The following NOS1AP variants were observed in gnomAD, a reference collection of about 807,000 sequenced individuals.
NOS1AP encodes the protein carboxyl-terminal PDZ ligand of neuronal nitric oxide synthase protein.
NOS1AP carries 21 observed loss-of-function variants against 56.2 expected under a neutral mutation model. The ratio of observed to expected loss-of-function variants is 0.37; its 90% CI spans 0.26 to 0.54. The LOEUF is 0.54. Among genes scored for constraint, NOS1AP ranks in the 20% least tolerant of loss-of-function variants. The pLI, the probability that NOS1AP is intolerant of heterozygous loss-of-function variation, is 0.84. For missense variants in NOS1AP, 522 were observed against 657.8 expected (o/e 0.79, Z 2.26); for synonymous variants, 270 against 274.6 (o/e 0.98, Z 0.17).
At chr1:162,338,339 A>T (rs112915794) in intron 5 of NOS1AP, among the ~76,000 whole-genome samples, 1 of 152,060 alleles carries the variant, frequency 6.6e-6, no homozygotes, top group Non-Finnish European at 1.5e-5. Context: ...TGCCCCCATT[A>T]TTCTCTTTTC....
chr1:162,190,240 A>G (rs1213647719), intron 2 of NOS1AP, among the ~76,000 whole-genome samples: 4 of 152,176 alleles, frequency 2.6e-5, no homozygotes, highest in African/African-American at 9.7e-5. Flanking sequence ...AGCCCTTCAG[A>G]TACTTGGCTC....
Position 162,367,590 on chromosome 1 carries a change from G to A in NOS1AP, c.*123G>A. On this transcript the variant is annotated 3_prime_UTR_variant, in exon 10 of 10. Transcript: ENST00000361897. This position sits in a 1 kb window ranked among gnomAD's most constrained non-coding sequence, Gnocchi z 6.5. ...GGAGAATGCCAGCCAGGGCCCGGGA[G>A]AGTGTGAGGTTTCAGGAAAGTATTG... The A allele has an allele frequency of 9.1e-7, 1 of 1,097,932 alleles. No homozygotes were observed. Among genetic ancestry groups the A allele is most frequent in the Non-Finnish European group, 1.3e-6 (1 of 786,704 alleles). 68.0% of individuals were successfully genotyped at this position (1,097,932 alleles called of 1,614,324 possible). A position where few individuals can be genotyped will look rare whatever the true frequency, so the allele number is the denominator to read the frequency against.
At chr1:162,175,614 G>T (rs1234824846) in intron 2 of NOS1AP, among the ~76,000 whole-genome samples, 2 of 152,142 alleles carry the variant, frequency 1.3e-5, no homozygotes. Flanking sequence ...AGGATCGGAG[G>T]TGTGGGGGTG....
At chr1:162,198,453 A>G (rs1447399099) in intron 2 of NOS1AP, among the ~76,000 whole-genome samples, 2 of 152,200 alleles carry the variant, frequency 1.3e-5, no homozygotes, top group Non-Finnish European at 2.9e-5. Flanking sequence ...TGTGAATCCC[A>G]TTCTGACATT....
At chr1:162,355,468 C>T (rs184083851) in intron 7 of NOS1AP, 115 bp downstream of exon 7, 120 of 1,326,452 alleles carry the variant, frequency 9.0e-5, no homozygotes, top group Admixed American at 5.0e-4. Flanking sequence ...GGCACAGTGG[C>T]GGTGCCAGAG....
At chr1:162,210,554 A>G (rs1652317160) in intron 2 of NOS1AP, among the ~76,000 whole-genome samples, 2 of 152,112 alleles carry the variant, frequency 1.3e-5, no homozygotes, top group Admixed American at 1.3e-4. Flanking sequence ...CTTTCTGTGA[A>G]GTCCTTGCTT....
intron 2 of NOS1AP, among the ~76,000 whole-genome samples, chr1:162,253,896 C>T (rs1172099073): frequency 2.0e-5 from 3 of 151,902 alleles, no homozygotes; most frequent in South Asian, 2.1e-4. Context: ...AAGAAGCAGG[C>T]GTATCCTATG....
intron 1 of NOS1AP, among the ~76,000 whole-genome samples, chr1:162,126,145 C>T (rs1648477327): frequency 6.6e-6 from 1 of 152,126 alleles, no homozygotes; most frequent in Admixed American, 6.6e-5. Flanking sequence ...TGAGACTTTA[C>T]TGAATTCATT....
chr1:162,085,308 G>A (rs1691978715), intron 1 of NOS1AP, among the ~76,000 whole-genome samples: 1 of 152,082 alleles, frequency 6.6e-6, no homozygotes, highest in African/African-American at 2.4e-5. Context: ...CAGAGGAATA[G>A]GGGAAGGTAT....
intron 8 of NOS1AP, among the ~76,000 whole-genome samples, chr1:162,360,147 G>T (rs1200233718): frequency 6.6e-6 from 1 of 151,986 alleles, no homozygotes; most frequent in Non-Finnish European, 1.5e-5. Context: ...CCCTAAATTG[G>T]TTCTGAGCTG....
At chr1:162,155,330 ATATG>A (rs1267226029) in intron 2 of NOS1AP, among the ~76,000 whole-genome samples, 2 of 145,864 alleles carry the variant, frequency 1.4e-5, no homozygotes, top group Non-Finnish European at 1.5e-5. Context: ...ATGTATGTGT[ATATG>A]TATGTATGTG....
intron 2 of NOS1AP, among the ~76,000 whole-genome samples, chr1:162,204,405 T>G (rs1652095759): frequency 6.6e-6 from 1 of 152,218 alleles, no homozygotes; most frequent in Admixed American, 6.5e-5. Context: ...AAATAGATAG[T>G]CACTGATGGT....
chr1:162,316,685 G>A (rs1656241519), intron 4 of NOS1AP, among the ~76,000 whole-genome samples: 1 of 152,220 alleles, frequency 6.6e-6, no homozygotes, highest in Non-Finnish European at 1.5e-5. Flanking sequence ...GGGATAGGCA[G>A]TGGAGTTAAG....
intron 2 of NOS1AP, among the ~76,000 whole-genome samples, chr1:162,165,869 A>T (rs1650470570): frequency 6.6e-6 from 1 of 152,218 alleles, no homozygotes; most frequent in African/African-American, 2.4e-5. Flanking sequence ...TCCCATTTGG[A>T]TATCCCAAAG....
At chr1:162,293,398 A>C (rs778919489) in intron 3 of NOS1AP, among the ~76,000 whole-genome samples, 2 of 152,246 alleles carry the variant, frequency 1.3e-5, no homozygotes, top group Non-Finnish European at 2.9e-5. Flanking sequence ...GGTTTCAAAG[A>C]TGCCATATCC....
chr1:162,154,348 G>T, intron 1 of NOS1AP, 57 bp from the exon 2 acceptor site: 3 of 1,526,134 alleles, frequency 2.0e-6, no homozygotes, highest in Non-Finnish European at 2.7e-6. Context: ...GGAACTTTCT[G>T]GGATTAGGGA....
chr1:162,185,970 T>C (rs1165184669), intron 2 of NOS1AP, among the ~76,000 whole-genome samples: 1 of 152,218 alleles, frequency 6.6e-6, no homozygotes, highest in Non-Finnish European at 1.5e-5. Context: ...CTAAGCCTGA[T>C]AAGATGCTGC....
At chr1:162,120,762 G>C (rs959427686) in intron 1 of NOS1AP, among the ~76,000 whole-genome samples, 1 of 152,210 alleles carries the variant, frequency 6.6e-6, no homozygotes, top group African/African-American at 2.4e-5. Context: ...TACAATTCAA[G>C]ATGAGATTTG....
At chr1:162,221,606 T>C (rs1399799948) in intron 2 of NOS1AP, among the ~76,000 whole-genome samples, 1 of 151,470 alleles carries the variant, frequency 6.6e-6, no homozygotes, top group African/African-American at 2.4e-5. Context: ...GTTCAAAGCC[T>C]GTCTCTATAA....
Sources: allele counts gnomAD v4.1 joint callset (sites outside exome capture counted in the v4.1 genomes callset), GRCh38; gene constraint gnomAD v4.1.1; non-coding constraint Gnocchi (gnomAD v3.1); transcripts MANE v1.5; gene names NCBI Gene and HGNC (gene_info 2026-07-23, HGNC 2026-07-21).